ZNF2: variants seen among roughly 807,000 people sequenced by gnomAD.
The protein encoded by ZNF2 is zinc finger protein 2.2.
ZNF2 carries 12 observed loss-of-function variants against 21.9 expected under a neutral mutation model. That is an observed-to-expected ratio of 0.55 (90% CI 0.35 to 0.89). The LOEUF is 0.89. Ranked by LOEUF, ZNF2 falls within the 40% of genes least tolerant of loss-of-function variation. The probability of loss-of-function intolerance (pLI) is 0.01; values close to 1 mark genes in which losing one functional copy is unlikely to be tolerated. For missense variants in ZNF2, 462 were observed against 544.2 expected, an observed-to-expected ratio of 0.85 and a Z score of 1.50; for synonymous variants, 186 against 196.3, an observed-to-expected ratio of 0.95 and a Z score of 0.44.
intron 3 of ZNF2, among the ~76,000 whole-genome samples, chr2:95,177,832 C>T (rs1417473664): frequency 6.6e-6 from 1 of 152,170 alleles, no homozygotes; most frequent in Non-Finnish European, 1.5e-5. Context: ...TGCTGGATGA[C>T]CATAGGCTCT....
At chr2:95,178,369 G>T (rs1674519764) in intron 3 of ZNF2, among the ~76,000 whole-genome samples, 1 of 152,120 alleles carries the variant, frequency 6.6e-6, no homozygotes, top group Non-Finnish European at 1.5e-5. Context: ...AAAAGTAAGT[G>T]CTAACACCCC....
At chr2:95,177,864 C>G (rs901531776) in intron 3 of ZNF2, among the ~76,000 whole-genome samples, 1 of 152,106 alleles carries the variant, frequency 6.6e-6, no homozygotes, top group African/African-American at 2.4e-5. Context: ...GCCTGCCCGG[C>G]AAAATTCAGG....
intron 1 of ZNF2, among the ~76,000 whole-genome samples, chr2:95,173,968 C>G (rs773855063): frequency 6.6e-6 from 1 of 152,200 alleles, no homozygotes; most frequent in Non-Finnish European, 1.5e-5. Flanking sequence ...CTTGGCCTCC[C>G]AAAGTGCTGG....
At chr2:95,167,847 CAAAAA>C (rs113305303) in intron 1 of ZNF2, among the ~76,000 whole-genome samples, 1 of 67,428 alleles carries the variant, frequency 1.5e-5, no homozygotes, top group African/African-American at 5.9e-5. Context: ...AATTCCGTCT[CAAAAA>C]AAAAAAAAAA....
At position 95,184,204 on chromosome 2, in the gene ZNF2, T is replaced by C. The variant is rs1165634084; in HGVS notation, c.*2098T>C. 1 of 152,212 alleles carries C rather than the reference T, an allele frequency of 6.6e-6. No homozygotes were observed. Among genetic ancestry groups the C allele is most frequent in the Non-Finnish European group, 1.5e-5 (1 of 68,046 alleles). 9.4% of individuals were successfully genotyped at this position (152,212 alleles called of 1,614,324 possible). Reference sequence around the variant, plus strand: ...GACGAACGGCAGGGAAGACTTGATCTGTGGACTTTTGAAAGCAACTTGAGG... The same window carrying C: ...GACGAACGGCAGGGAAGACTTGATCCGTGGACTTTTGAAAGCAACTTGAGG... On this transcript the variant is annotated 3_prime_UTR_variant, in exon 5 of 5. Transcript: ENST00000614034.
At chr2:95,170,548 T>A (rs780292262) in intron 1 of ZNF2, among the ~76,000 whole-genome samples, 2 of 152,232 alleles carry the variant, frequency 1.3e-5, no homozygotes, top group Non-Finnish European at 2.9e-5. Context: ...ACCAATAGAC[T>A]AGAACAGAAA....
chr2:95,169,258 G>C (rs925593281), intron 1 of ZNF2, among the ~76,000 whole-genome samples: 1 of 152,110 alleles, frequency 6.6e-6, no homozygotes, highest in Non-Finnish European at 1.5e-5. Context: ...TTTGTAATTC[G>C]TTCAGTGCTC....
chr2:95,168,480 A>G (rs755660314), intron 1 of ZNF2, among the ~76,000 whole-genome samples: 2 of 152,054 alleles, frequency 1.3e-5, no homozygotes, highest in Non-Finnish European at 2.9e-5. Flanking sequence ...AGAGGAAGCA[A>G]TGTGAAAAAC....
At chr2:95,180,328 G>A in intron 4 of ZNF2, 56 bp downstream of exon 4, 1 of 1,172,500 alleles carries the variant, frequency 8.5e-7, no homozygotes, top group Non-Finnish European at 1.3e-6. Flanking sequence ...TGTTATTTGG[G>A]TGATGGGGGA....
At chr2:95,177,804 C>T (rs1674499874) in intron 3 of ZNF2, among the ~76,000 whole-genome samples, 195 bp downstream of exon 3, 1 of 152,202 alleles carries the variant, frequency 6.6e-6, no homozygotes, top group Non-Finnish European at 1.5e-5. Flanking sequence ...GCAGACATGC[C>T]TCCCCAGCCA....
chr2:95,180,339 A>T, intron 4 of ZNF2, 67 bp downstream of exon 4: 1 of 990,398 alleles, frequency 1.0e-6, no homozygotes, highest in East Asian at 2.4e-5. Context: ...TGATGGGGGA[A>T]ATAACAGGTA....
At chr2:95,174,729 C>T (rs1382163353) in intron 1 of ZNF2, among the ~76,000 whole-genome samples, 1 of 152,162 alleles carries the variant, frequency 6.6e-6, no homozygotes, top group Non-Finnish European at 1.5e-5. Flanking sequence ...GCTCTTAATG[C>T]ATCCTGGAGT....
At chr2:95,179,863 C>T (rs1674576581) in intron 3 of ZNF2, among the ~76,000 whole-genome samples, 3 of 152,288 alleles carry the variant, frequency 2.0e-5, no homozygotes, top group South Asian at 4.2e-4. Context: ...TCGAAACCAG[C>T]GTGGCCATGA....
At chr2:95,170,595 A>AT (rs1674236438) in intron 1 of ZNF2, among the ~76,000 whole-genome samples, 8 of 152,274 alleles carry the variant, frequency 5.3e-5, no homozygotes. Context: ...GACCTGTTAT[A>AT]GAATAGAGTT....
intron 1 of ZNF2, among the ~76,000 whole-genome samples, chr2:95,172,735 C>A (rs2091163466): frequency 1.3e-5 from 2 of 150,710 alleles, no homozygotes; most frequent in Non-Finnish European, 3.0e-5. Context: ...CTTCTGGGTT[C>A]AAGCAATTCT....
At chr2:95,173,408 T>C (rs1179212309) in intron 1 of ZNF2, among the ~76,000 whole-genome samples, 1 of 152,200 alleles carries the variant, frequency 6.6e-6, no homozygotes, top group Non-Finnish European at 1.5e-5. Flanking sequence ...CAGGCTTCCC[T>C]AATGTTTGGA....
At chr2:95,167,974 A>G (rs551420505) in intron 1 of ZNF2, among the ~76,000 whole-genome samples, 2 of 152,308 alleles carry the variant, frequency 1.3e-5, no homozygotes, top group East Asian at 1.9e-4. Flanking sequence ...TTATTCTCCA[A>G]AAAGTTTGAT....
chr2:95,182,117 AG>A lies in ZNF2; in HGVS notation c.*12del. The A allele has an allele frequency of 1.9e-6, 3 of 1,581,902 alleles. No individual in the cohort carries two copies. Among genetic ancestry groups the A allele is most frequent in the Non-Finnish European group, 2.6e-6 (3 of 1,161,910 alleles). ...CAGGGAATAGACTGAGTTGGGCAAA[AG>A]CTTGGGTAGGACAAGAACTTCCATA... is the stretch of plus-strand genomic sequence containing the variant. On this transcript the variant is annotated 3_prime_UTR_variant, in exon 5 of 5. Transcript: ENST00000614034.
At chr2:95,167,049 CT>C (rs772474326) in intron 1 of ZNF2, among the ~76,000 whole-genome samples, 7 of 152,184 alleles carry the variant, frequency 4.6e-5, no homozygotes, top group Non-Finnish European at 1.0e-4. Context: ...AAAGACTGAG[CT>C]ATGGGCAGCA....
Sources: gnomAD v4.1 joint callset for allele counts (sites outside exome capture counted in the v4.1 genomes callset) on GRCh38, gnomAD v4.1.1 for gene constraint, MANE v1.5 for transcripts, NCBI Gene and HGNC (gene_info 2026-07-23, HGNC 2026-07-21) for gene names.